The following ENTPD2 variants were observed in gnomAD, a reference collection of about 807,000 sequenced individuals.
ENTPD2 encodes CD39 antigen-like 1.
ENTPD2 carries 48 observed loss-of-function variants against 46.8 expected under a neutral mutation model. The ratio of observed to expected loss-of-function variants is 1.03; its 90% CI spans 0.81 to 1.30. ENTPD2 has a LOEUF of 1.30. Among genes scored for constraint, ENTPD2 ranks in the 50% most tolerant of loss-of-function variants. The pLI is 0.00. For missense variants in ENTPD2, 707 were observed against 651.1 expected, an observed-to-expected ratio of 1.09 and a Z score of -0.93; for synonymous variants, 316 against 286.1, an observed-to-expected ratio of 1.10 and a Z score of -1.06.
intron 6 of ENTPD2, 39 bp from the exon 7 acceptor site, chr9:137,050,028 G>A (rs769036629): frequency 5.0e-6 from 8 of 1,589,040 alleles, no homozygotes; most frequent in East Asian, 2.3e-5. Context: ...GAACCCCAGC[G>A]GCTCAGAGCA....
chr9:137,049,803 G>T, intron 7 of ENTPD2, 67 bp downstream of exon 7: 1 of 1,540,594 alleles, frequency 6.5e-7, no homozygotes, highest in South Asian at 1.2e-5. Context: ...TGCAGGGCTG[G>T]GGAGGCATGC....
intron 6 of ENTPD2, 63 bp from the exon 7 acceptor site, chr9:137,050,052 G>T: frequency 1.3e-6 from 2 of 1,546,768 alleles, no homozygotes; most frequent in East Asian, 2.4e-5. Flanking sequence ...GCTGCCACCC[G>T]CCTGTCCCTA....
At position 137,048,905 on chromosome 9, in the gene ENTPD2, G is replaced by T. The variant is rs982482349; in HGVS notation, c.1284+36C>A. On this transcript the variant is annotated intron_variant, in intron 8 of 8. Coordinates refer to ENST00000355097, the MANE Select transcript of ENTPD2 (RefSeq NM_203468.3). ...CTCAGCTCCCGAGAGGCCCCGCCCCGCAAGGTCGGCCCCGCCCCGCCCCGC... is the reference window on the plus strand; with the variant it reads ...CTCAGCTCCCGAGAGGCCCCGCCCCTCAAGGTCGGCCCCGCCCCGCCCCGC... The T allele has an allele frequency of 3.4e-6, 5 of 1,449,670 alleles. No homozygotes were observed. In the African/African-American group the frequency reaches 4.3e-5, roughly 12 times the overall value. 89.8% of individuals were successfully genotyped at this position (1,449,670 alleles called of 1,614,324 possible).
rs1354190758 is a variant in ENTPD2 at position 137,052,307 on chromosome 9, C to T, written c.159G>A (p.Met53Ile). 2 of 1,611,962 alleles carry T rather than the reference C, an allele frequency of 1.2e-6. No homozygotes were observed. The highest frequency in any genetic ancestry group is 1.7e-5 in the Admixed American group (1 of 59,940). Residue 53 changes from methionine to isoleucine, a missense_variant, in exon 2 of 9, where the codon ATG becomes ATA. Met to Ile is a conservative substitution (Grantham distance 10, BLOSUM62 1). Transcript: ENST00000355097. The stretch of plus-strand genomic sequence containing the variant: ...TGTCTGCCGGCCACTTGTAGATAAA[C>T]ATGGACGTGTGTGAAGAACCAGCGT... Reference protein sequence around the residue: ...VLDAGSSHTSMFIYKWPADKE... With the variant: ...VLDAGSSHTSIFIYKWPADKE...
rs373169384 is a variant in ENTPD2, at chr9:137,048,936, C to T, written c.1284+5G>A. ...TCGGCCCCGCCCCGCCCCGCCCCAGCCCACCTTCTTCTGGAAGATCACGCC... is the reference window on the plus strand; with the variant it reads ...TCGGCCCCGCCCCGCCCCGCCCCAGTCCACCTTCTTCTGGAAGATCACGCC... On this transcript the variant is annotated splice_donor_5th_base_variant and intron_variant, in intron 8 of 8. Coordinates refer to ENST00000355097, the MANE Select transcript of ENTPD2 (RefSeq NM_203468.3). 6.8e-3 allele frequency: 10,411 copies of T among 1,522,602 alleles called. 43 individuals carry two copies. Among genetic ancestry groups the T allele is most frequent in the Non-Finnish European group, 8.6e-3 (9,832 of 1,137,862 alleles). The allele number at this position is 1,522,602 out of a possible 1,614,324, so 94.3% of individuals were successfully genotyped here. A position where few individuals can be genotyped will look rare whatever the true frequency, so the allele number is the denominator to read the frequency against.
intron 7 of ENTPD2, 108 bp from the exon 8 acceptor site, chr9:137,049,183 C>G (rs1374816478): frequency 1.3e-6 from 2 of 1,508,220 alleles, no homozygotes; most frequent in East Asian, 4.9e-5. Context: ...CACACACGGG[C>G]CGTGCGAGGC....
chr9:137,052,200 G>A, intron 2 of ENTPD2, 31 bp downstream of exon 2: 2 of 1,597,492 alleles, frequency 1.3e-6, no homozygotes, highest in South Asian at 1.1e-5. Context: ...GCAGTGAGTG[G>A]GCGTCCTGGC....
At chr9:137,049,771 G>C (rs1265423541) in intron 7 of ENTPD2, 99 bp downstream of exon 7, 1 of 1,358,530 alleles carries the variant, frequency 7.4e-7, no homozygotes, top group East Asian at 2.5e-5. Context: ...CACTGCAGCG[G>C]GTGCTCCGAG....
intron 7 of ENTPD2, chr9:137,049,559 C>G (rs1444520706): frequency 6.7e-6 from 3 of 445,094 alleles, no homozygotes; most frequent in Non-Finnish European, 1.2e-5. Context: ...GTGCCCAGAC[C>G]CACTTCCATC....
At chr9:137,052,067 C>T (rs1474979463) in intron 2 of ENTPD2, among the ~76,000 whole-genome samples, 164 bp downstream of exon 2, 2 of 152,190 alleles carry the variant, frequency 1.3e-5, no homozygotes, top group African/African-American at 4.8e-5. Context: ...CGACTCCTGG[C>T]CCCACTCAGG....
In ENTPD2 at chr9:137,048,893, AGGCCCCGCCCCGCAAGGTC is replaced by A. The variant is rs564511306; in HGVS notation, c.1284+29_1285-34del. ...GAAGGGCGTGGCCTCAGCTCCCGAG[AGGCCCCGCCCCGCAAGGTC>A]GGCCCCGCCCCGCCCCGCCCCAGCC... On this transcript the variant is annotated intron_variant, in intron 8 of 8. Coordinates refer to ENST00000355097, the MANE Select transcript of ENTPD2 (RefSeq NM_203468.3). 9,033 of 1,503,610 alleles carry A rather than the reference AGGCCCCGCCCCGCAAGGTC, an allele frequency of 6.0e-3. 15 individuals are homozygous for A. Among genetic ancestry groups the A allele is most frequent in the Non-Finnish European group, 7.4e-3 (8,351 of 1,127,778 alleles). The allele number at this position is 1,503,610 out of a possible 1,614,324, so 93.1% of individuals were successfully genotyped here.
chr9:137,052,355 G>T lies in ENTPD2; in HGVS notation c.118-7C>A. 1.4e-6 allele frequency: 2 copies of T among 1,419,094 alleles called. No individual in the cohort carries two copies. The highest frequency in any genetic ancestry group is 2.3e-5 in the South Asian group (2 of 86,878). The allele number at this position is 1,419,094 out of a possible 1,614,324, so 87.9% of individuals were successfully genotyped here. A position where few individuals can be genotyped will look rare whatever the true frequency, so the allele number is the denominator to read the frequency against. On this transcript the variant is annotated splice_polypyrimidine_tract_variant and splice_region_variant and intron_variant, in intron 1 of 8. Coordinates refer to ENST00000355097, the MANE Select transcript of ENTPD2 (RefSeq NM_203468.3). ...CGTCCAGGACGATGCCATACTGCGG[G>T]GGAGGGGGAGGGAGTCAGCCTGGGG...
In ENTPD2 at chr9:137,048,621, T is replaced by C; in HGVS notation, c.*36A>G. 7.8e-6 allele frequency: 11 copies of C among 1,403,866 alleles called. No individual in the cohort carries two copies. Among genetic ancestry groups the C allele is most frequent in the Non-Finnish European group, 1.0e-5 (11 of 1,070,286 alleles). 87.0% of individuals were successfully genotyped at this position (1,403,866 alleles called of 1,614,324 possible). A position where few individuals can be genotyped will look rare whatever the true frequency, so the allele number is the denominator to read the frequency against. On this transcript the variant is annotated 3_prime_UTR_variant, in exon 9 of 9. Coordinates refer to ENST00000355097, the MANE Select transcript of ENTPD2 (RefSeq NM_203468.3). Reference sequence around the variant, plus strand: ...GGAGTACGGGGTGGGGATACAGGGGTTGGGGGAGGGATGGGGCAGCTGCCC... The same window carrying C: ...GGAGTACGGGGTGGGGATACAGGGGCTGGGGGAGGGATGGGGCAGCTGCCC...
In ENTPD2 at chr9:137,048,985, C is replaced by G; in HGVS notation, c.1240G>C (p.Gly414Arg). ...CCGCCGAAGGCGCGCTCGTCGAAGC[C>G]GTAGCCGCGACTCAGCAGCTGCTGC... ...FVQQLLSRGY[G>R]FDERAFGGVI... The change falls in exon 8 of 9, where the codon GGC becomes CGC. Residue 414 changes from glycine to arginine, a missense_variant. Physicochemically the swap from Gly to Arg is moderately radical, Grantham distance 125. Transcript: ENST00000355097. 2.0e-6 allele frequency: 3 copies of G among 1,537,102 alleles called. No individual in the cohort carries two copies. The highest frequency in any genetic ancestry group is 2.5e-5 in the East Asian group (1 of 40,610).
chr9:137,048,974 C>CTCA lies in ENTPD2; in HGVS notation c.1250_1251insTGA (p.Asp416dup). 2 of 1,534,482 alleles carry CTCA rather than the reference C, an allele frequency of 1.3e-6. No individual in the cohort carries two copies. Among genetic ancestry groups the CTCA allele is most frequent in the Non-Finnish European group, 1.7e-6 (2 of 1,143,512 alleles). On this transcript the variant is annotated inframe_insertion, in exon 8 of 9. Coordinates refer to ENST00000355097, the MANE Select transcript of ENTPD2 (RefSeq NM_203468.3). ...GGAAGATCACGCCGCCGAAGGCGCG[C>CTCA]TCGTCGAAGCCGTAGCCGCGACTCA...
At position 137,050,789 on chromosome 9, in the gene ENTPD2, C is replaced by T. The variant is rs1215517404; in HGVS notation, c.774+113G>A. The T allele has an allele frequency of 4.3e-6, 6 of 1,386,776 alleles. No homozygotes were observed. In the South Asian group the frequency reaches 7.9e-5, roughly 18 times the overall value. The allele number at this position is 1,386,776 out of a possible 1,614,324, so 85.9% of individuals were successfully genotyped here. ...CTCATGCTCTGACCCTCCCACCTGT[C>T]TTTCCAGCCAATTAAAGCCCAGCCT... On this transcript the variant is annotated intron_variant, in intron 5 of 8. Coordinates refer to ENST00000355097, the MANE Select transcript of ENTPD2 (RefSeq NM_203468.3).
Position 137,051,248 on chromosome 9 carries a change from C to T in ENTPD2, c.509G>A (p.Trp170Ter). Reference protein sequence around the residue: ...LSGQEEGVFGWVTANYLLENF... With the variant: ...LSGQEEGVFG ...CTCCAGCAGGTAGTTGGCAGTCACC[C>T]AGCCAAACACCCCCTCTTCCTGGCC... Residue 170 changes from tryptophan (W) to a stop codon, truncating the protein, a stop_gained, in exon 4 of 9, where the codon TGG becomes TAG. Transcript: ENST00000355097. LOFTEE classifies it high-confidence loss of function. The T allele has an allele frequency of 1.2e-6, 2 of 1,612,918 alleles. No individual in the cohort carries two copies. The highest frequency in any genetic ancestry group is 3.3e-4 in the Middle Eastern group (2 of 6,062).
intron 7 of ENTPD2, chr9:137,049,283 AGC>A: frequency 1.2e-6 from 1 of 861,462 alleles, no homozygotes; most frequent in Non-Finnish European, 1.9e-6. Context: ...CTCCCCAGCC[AGC>A]GCCCATGCCT....
Position 137,049,095 on chromosome 9 carries a change from C to T in ENTPD2, c.1150-20G>A. On this transcript the variant is annotated intron_variant, in intron 7 of 8. Transcript: ENST00000355097. ...TTGCAGCTGGGACGCGGGCGGGACA[C>T]CGTCAGGCAGGCGACCACCAGGAGG... 2 of 1,531,468 alleles carry T rather than the reference C, an allele frequency of 1.3e-6. No individual in the cohort carries two copies. The highest frequency in any genetic ancestry group is 1.7e-6 in the Non-Finnish European group (2 of 1,144,764). 94.9% of individuals were successfully genotyped at this position (1,531,468 alleles called of 1,614,324 possible).
Sources: allele counts gnomAD v4.1 joint callset (sites outside exome capture counted in the v4.1 genomes callset), GRCh38; gene constraint gnomAD v4.1.1; transcripts MANE v1.5; gene names NCBI Gene and HGNC (gene_info 2026-07-23, HGNC 2026-07-21).